NIPA2: variants seen among roughly 807,000 people sequenced by gnomAD.
NIPA2 encodes the protein NIPA magnesium transporter 2.
NIPA2 carries 11 observed loss-of-function variants against 29.7 expected under a neutral mutation model. The observed-to-expected ratio is 0.37, with a 90% CI of 0.23 to 0.61. The LOEUF (loss-of-function observed/expected upper bound fraction) is 0.61. NIPA2 is among the 20% of genes least tolerant of loss of function. NIPA2 has a pLI of 0.66. For synonymous variants in NIPA2, 183 were observed against 161.9 expected (o/e 1.13, Z -0.99); for missense variants, 426 against 437.9 (o/e 0.97, Z 0.24).
At chr15:22,844,622 G>T (rs1241083101) in intron 2 of NIPA2, among the ~76,000 whole-genome samples, 1 of 152,008 alleles carries the variant, frequency 6.6e-6, no homozygotes, top group African/African-American at 2.4e-5. Flanking sequence ...AGGTGTCGTG[G>T]TATACGCCTG....
At position 22,866,914 on chromosome 15, in the gene NIPA2, C is replaced by A; in HGVS notation, c.*67C>A. 1 of 1,384,092 alleles carries A rather than the reference C, an allele frequency of 7.2e-7. No homozygotes were observed. The highest frequency in any genetic ancestry group is 9.8e-7 in the Non-Finnish European group (1 of 1,025,228). 85.7% of individuals were successfully genotyped at this position (1,384,092 alleles called of 1,614,324 possible). On this transcript the variant is annotated 3_prime_UTR_variant, in exon 8 of 8. Coordinates refer to ENST00000337451, the MANE Select transcript of NIPA2 (RefSeq NM_030922.7). ...GAATTTGAATATCATCAGAATGTGT[C>A]TGAAAAAACATTGTCCTCAAATAAT...
At chr15:22,863,746 A>AT (rs1380951268) in intron 7 of NIPA2, among the ~76,000 whole-genome samples, 1 of 152,170 alleles carries the variant, frequency 6.6e-6, no homozygotes, top group Non-Finnish European at 1.5e-5. Context: ...GCCGGTGTTG[A>AT]TTGGCCTTTA....
intron 3 of NIPA2, among the ~76,000 whole-genome samples, chr15:22,848,098 G>A (rs1021122411): frequency 5.9e-5 from 9 of 152,078 alleles, no homozygotes; most frequent in South Asian, 2.1e-4. Context: ...ACGCCTGGTC[G>A]ATGATTTTTA....
At chr15:22,851,595 C>G in intron 3 of NIPA2, 44 bp from the exon 4 acceptor site, 1 of 625,568 alleles carries the variant, frequency 1.6e-6, no homozygotes, top group Non-Finnish European at 2.6e-6. Flanking sequence ...TGTGAGCTGT[C>G]ATGAGCATTC....
rs1392392812 is a variant in NIPA2, at chr15:22,866,961, T to TAAAG, written c.*116_*119dup. 71 of 1,047,074 alleles carry TAAAG rather than the reference T, an allele frequency of 6.8e-5. No homozygotes were observed. The highest frequency in any genetic ancestry group is 1.0e-4 in the South Asian group (6 of 58,520). The allele number at this position is 1,047,074 out of a possible 1,614,324, so 64.9% of individuals were successfully genotyped here. On this transcript the variant is annotated 3_prime_UTR_variant, in exon 8 of 8. Coordinates refer to ENST00000337451, the MANE Select transcript of NIPA2 (RefSeq NM_030922.7). Reference sequence around the variant, plus strand: ...TAATGTTCTTTAAAGGCAATCTTTTTAAAGATTTCACTAATTTGGACCAAG... The same window carrying TAAAG: ...TAATGTTCTTTAAAGGCAATCTTTTTAAAGAAAGATTTCACTAATTTGGACCAAG...
At chr15:22,842,464 T>C (rs1458768493) in intron 2 of NIPA2, among the ~76,000 whole-genome samples, 1 of 148,366 alleles carries the variant, frequency 6.7e-6, no homozygotes, top group African/African-American at 2.5e-5. Flanking sequence ...CTGAGGTGGG[T>C]GGATCACAAG....
rs111740949 is a variant in NIPA2, at chr15:22,860,385, T to A, written c.288-244T>A. Among the ~76,000 whole-genome samples the A allele has an allele frequency of 4.0e-3, 605 of 152,354 alleles. 4 individuals are homozygous for A. Among genetic ancestry groups the A allele is most frequent in the African/African-American group, 0.014 (586 of 41,580 alleles). On this transcript the variant is annotated intron_variant, in intron 6 of 7. Transcript: ENST00000337451. ...TTGTTCTTTATTATAAATTTCATAC[T>A]GACTTCTTGCAGTGGAAAGATGGTA... is the stretch of plus-strand genomic sequence containing the variant.
intron 3 of NIPA2, among the ~76,000 whole-genome samples, chr15:22,850,671 TTGAA>T (rs1198670668): frequency 6.6e-6 from 1 of 152,116 alleles, no homozygotes; most frequent in Non-Finnish European, 1.5e-5. Context: ...TAAATACTGT[TTGAA>T]TGGATGGATA....
intron 5 of NIPA2, 55 bp downstream of exon 5, chr15:22,853,323 G>T: frequency 8.8e-7 from 1 of 1,131,048 alleles, no homozygotes. Flanking sequence ...TAAAATATTT[G>T]CATATGGTAT....
At chr15:22,853,396 C>CT in intron 5 of NIPA2, 128 bp downstream of exon 5, 1 of 491,744 alleles carries the variant, frequency 2.0e-6, no homozygotes. Flanking sequence ...TTTTTTGAGA[C>CT]AGAGTCTCAC....
chr15:22,862,653 T>G (rs2058701630), intron 7 of NIPA2, among the ~76,000 whole-genome samples: 1 of 152,138 alleles, frequency 6.6e-6, no homozygotes, highest in Non-Finnish European at 1.5e-5. Flanking sequence ...TCTGCTAACT[T>G]TAGTTTTAGA....
In NIPA2 at chr15:22,866,219, T is replaced by C. The variant is rs112514554; in HGVS notation, c.455T>C (p.Val152Ala). The C allele has an allele frequency of 1.9e-6, 3 of 1,608,846 alleles. No homozygotes were observed. Among genetic ancestry groups the C allele is most frequent in the Non-Finnish European group, 2.6e-6 (3 of 1,175,810 alleles). The change falls in exon 8 of 8, where the codon GTG becomes GCG. Residue 152 changes from valine to alanine, a missense_variant. This residue lies in a region of NIPA2 where 357 missense variants were observed against 339.8 expected (regional missense o/e 1.05). Coordinates refer to ENST00000337451, the MANE Select transcript of NIPA2 (RefSeq NM_030922.7). ...MSHKLGDPGFVVFATLVVIVA... is the reference protein window; with the variant it reads ...MSHKLGDPGFAVFATLVVIVA... ...TTTTCTTTGCCTCCTCCAGGTTTTG[T>C]GGTCTTTGCAACCCTTGTGGTCATT... is the stretch of plus-strand genomic sequence containing the variant.
intron 4 of NIPA2, 90 bp downstream of exon 4, chr15:22,851,960 T>G: frequency 9.5e-7 from 1 of 1,056,880 alleles, no homozygotes; most frequent in Non-Finnish European, 1.4e-6. Context: ...TCATTCCTCG[T>G]GAGTGTATTT....
rs971668038 is a variant in NIPA2, at chr15:22,868,203, T to TA, written c.*1357dup. On this transcript the variant is annotated 3_prime_UTR_variant, in exon 8 of 8. Transcript: ENST00000337451. ...TTATTGGCCTTCTAAGGAGCTGTTTTAGATGTTTTTTCTAACTGCCTCCTC... is the reference window on the plus strand; with the variant it reads ...TTATTGGCCTTCTAAGGAGCTGTTTTAAGATGTTTTTTCTAACTGCCTCCTC... The TA allele has an allele frequency of 6.6e-6, 1 of 152,194 alleles. No individual in the cohort carries two copies. Among genetic ancestry groups the TA allele is most frequent in the East Asian group, 1.9e-4 (1 of 5,206 alleles). The allele number at this position is 152,194 out of a possible 1,614,324, so 9.4% of individuals were successfully genotyped here. A position where few individuals can be genotyped will look rare whatever the true frequency, so the allele number is the denominator to read the frequency against.
At chr15:22,859,721 T>C (rs1157227176) in intron 6 of NIPA2, among the ~76,000 whole-genome samples, 1 of 152,214 alleles carries the variant, frequency 6.6e-6, no homozygotes, top group Non-Finnish European at 1.5e-5. Context: ...TCTTGGTTAC[T>C]ATTCCCAAAG....
Position 22,866,848 on chromosome 15 carries a change from G to C in NIPA2, c.*1G>C, listed in dbSNP as rs778250873. 2.1e-5 allele frequency: 18 copies of C among 877,330 alleles called. No homozygotes were observed. The highest frequency in any genetic ancestry group is 3.6e-5 in the East Asian group (1 of 27,880). 54.3% of individuals were successfully genotyped at this position (877,330 alleles called of 1,614,324 possible). On this transcript the variant is annotated 3_prime_UTR_variant, in exon 8 of 8. Coordinates refer to ENST00000337451, the MANE Select transcript of NIPA2 (RefSeq NM_030922.7). ...AAATGGAAATCTGACAGCTTTTTAA[G>C]AAAGGTGTAATTAAAGGTTAATCTG... is the stretch of plus-strand genomic sequence containing the variant.
At chr15:22,843,267 G>A (rs1021093838) in intron 2 of NIPA2, among the ~76,000 whole-genome samples, 12 of 152,066 alleles carry the variant, frequency 7.9e-5, no homozygotes, top group Non-Finnish European at 1.8e-4. Context: ...CACTTTAGGA[G>A]GCCAAGGCTG....
chr15:22,863,742 G>T (rs1303068864), intron 7 of NIPA2, among the ~76,000 whole-genome samples: 2 of 152,194 alleles, frequency 1.3e-5, no homozygotes, highest in African/African-American at 4.8e-5. Flanking sequence ...TTAGGCCGGT[G>T]TTGATTGGCC....
At chr15:22,846,833 TAA>T (rs1898817448) in intron 3 of NIPA2, among the ~76,000 whole-genome samples, 3 of 123,972 alleles carry the variant, frequency 2.4e-5, no homozygotes, top group African/African-American at 9.4e-5. Context: ...ATAATAATAA[TAA>T]TAATAATTAT....
Sources: allele counts gnomAD v4.1 joint callset (sites outside exome capture counted in the v4.1 genomes callset), GRCh38; gene constraint gnomAD v4.1.1; regional missense constraint gnomAD v4.1.1; transcripts MANE v1.5; gene names NCBI Gene and HGNC (gene_info 2026-07-23, HGNC 2026-07-21).